The following PRKCZ variants were observed in gnomAD, a reference collection of about 807,000 sequenced individuals.
PRKCZ encodes protein kinase C zeta type.
PRKCZ carries 33 observed loss-of-function variants against 79.5 expected under a neutral mutation model. The ratio of observed to expected loss-of-function variants is 0.41; its 90% CI spans 0.31 to 0.55. The LOEUF is 0.55. Ranked by LOEUF, PRKCZ falls within the 20% of genes least tolerant of loss-of-function variation. PRKCZ has a pLI of 0.19. For synonymous variants in PRKCZ, 342 were observed against 320.9 expected (o/e 1.07, Z -0.70); for missense variants, 578 against 813.5 (o/e 0.71, Z 3.52).
chr1:2,143,068 G>T (rs545729580), intron 5 of PRKCZ: 1 of 131,458 alleles, frequency 7.6e-6, no homozygotes, highest in Admixed American at 9.0e-5. Context: ...TCACTCTGTC[G>T]CCCAGGCTGG....
At position 2,185,014 on chromosome 1, in the gene PRKCZ, G is replaced by A. The variant is rs367620589; in HGVS notation, c.*5G>A. 5.6e-5 allele frequency: 90 copies of A among 1,609,506 alleles called. No individual in the cohort carries two copies. The highest frequency in any genetic ancestry group is 5.0e-4 in the Middle Eastern group (3 of 6,054). On this transcript the variant is annotated 3_prime_UTR_variant, in exon 18 of 18. Transcript: ENST00000378567. ...TCCACCGAGGAGTCGGTGTGAGGCC[G>A]CGTGCGTCTCTGTCGTGGACACGCG...
At chr1:2,162,523 G>A (rs1682517466) in intron 10 of PRKCZ, among the ~76,000 whole-genome samples, 1 of 152,214 alleles carries the variant, frequency 6.6e-6, no homozygotes, top group Non-Finnish European at 1.5e-5. Flanking sequence ...TCCCATTCAG[G>A]AACCCGGTTT....
intron 4 of PRKCZ, among the ~76,000 whole-genome samples, chr1:2,126,230 T>C (rs1170444324): frequency 2.0e-5 from 3 of 152,154 alleles, no homozygotes; most frequent in Admixed American, 6.5e-5. Flanking sequence ...TGAACAAAGC[T>C]CTGTTTTATA....
At chr1:2,114,068 G>A (rs550678926) in intron 4 of PRKCZ, among the ~76,000 whole-genome samples, 63 of 152,242 alleles carry the variant, frequency 4.1e-4, no homozygotes, top group Middle Eastern at 3.4e-3. Context: ...GGGTATGGCC[G>A]GCTGCGTAAG....
At chr1:2,058,200 G>A (rs547220688) in intron 3 of PRKCZ, among the ~76,000 whole-genome samples, 2 of 150,608 alleles carry the variant, frequency 1.3e-5, no homozygotes, top group East Asian at 2.0e-4. Context: ...ATGGGGTCTC[G>A]CCATGTTGGC....
At chr1:2,184,477 T>A in intron 16 of PRKCZ, 106 bp from the exon 17 acceptor site, 2 of 779,224 alleles carry the variant, frequency 2.6e-6, no homozygotes, top group Middle Eastern at 4.8e-4. Flanking sequence ...ATTGAAATGC[T>A]GACTTTCTCA....
chr1:2,139,332 G>A (rs1676851710), intron 5 of PRKCZ, among the ~76,000 whole-genome samples: 1 of 152,168 alleles, frequency 6.6e-6, no homozygotes, highest in Non-Finnish European at 1.5e-5. Context: ...GCTCACGCCT[G>A]TAATTCCAGC....
At chr1:2,135,797 C>T (rs1305371056) in intron 5 of PRKCZ, among the ~76,000 whole-genome samples, 1 of 152,236 alleles carries the variant, frequency 6.6e-6, no homozygotes, top group African/African-American at 2.4e-5. Flanking sequence ...CTCTGTCTTC[C>T]CAGCGGCCAC....
chr1:2,135,405 A>G, intron 5 of PRKCZ, 58 bp downstream of exon 5: 1 of 1,464,862 alleles, frequency 6.8e-7, no homozygotes, highest in Non-Finnish European at 9.3e-7. Flanking sequence ...TTTAAAAGCA[A>G]AGAGAGAGGA....
chr1:2,121,647 G>T (rs1170865946), intron 4 of PRKCZ, among the ~76,000 whole-genome samples: 2 of 99,414 alleles, frequency 2.0e-5, no homozygotes, highest in Non-Finnish European at 4.1e-5. Context: ...GGTAGTTAGG[G>T]TCACGGTGGT....
At chr1:2,080,370 C>A (rs1440556525) in intron 4 of PRKCZ, among the ~76,000 whole-genome samples, 2 of 120,606 alleles carry the variant, frequency 1.7e-5, no homozygotes, top group Non-Finnish European at 3.0e-5. Flanking sequence ...CAGGTGTGGA[C>A]CAGCACGTCC....
rs78044409 is a variant in PRKCZ at position 2,076,144 on chromosome 1, C to T, written c.334+16553C>T. 3.2e-3 allele frequency among the ~76,000 whole-genome samples: 485 copies of T among 152,284 alleles called. 23 individuals are homozygous for T. In the East Asian group the frequency reaches 0.077, roughly 24 times the overall value. On this transcript the variant is annotated intron_variant, in intron 4 of 17. Transcript: ENST00000378567. ...GGGCTGAGGGGGTGCCCAGTGCCAT[C>T]GAGGGGAAGCCTGTGGGAAAGTGTG...
At chr1:2,146,163 C>T (rs1678469722) in intron 7 of PRKCZ, 55 bp downstream of exon 7, 3 of 1,512,450 alleles carry the variant, frequency 2.0e-6, no homozygotes, top group Non-Finnish European at 2.8e-6. Flanking sequence ...TCACCCTGCT[C>T]ACCTCTGCCT....
upstream of PRKCZ, among the ~76,000 whole-genome samples, chr1:2,048,784 G>A (rs543436976): frequency 3.3e-5 from 5 of 152,156 alleles, no homozygotes; most frequent in African/African-American, 9.7e-5. Context: ...CCAGGAGGGC[G>A]AGGGATGGGA....
intron 4 of PRKCZ, among the ~76,000 whole-genome samples, chr1:2,081,358 T>C (rs1231611653): frequency 7.5e-6 from 1 of 133,194 alleles, no homozygotes; most frequent in African/African-American, 2.8e-5. Context: ...CTGGGTGGGT[T>C]GGGGGTGGGT....
At chr1:2,175,375 C>T (rs569455679) in intron 16 of PRKCZ, 62 bp downstream of exon 16, 1 of 1,396,958 alleles carries the variant, frequency 7.2e-7, no homozygotes, top group African/African-American at 1.5e-5. Context: ...TCTACCCAAC[C>T]CCCATCCCAA....
chr1:2,080,890 C>G (rs1303075918), intron 4 of PRKCZ, among the ~76,000 whole-genome samples: 1 of 152,182 alleles, frequency 6.6e-6, no homozygotes, highest in Non-Finnish European at 1.5e-5. Context: ...TGGGACAGCC[C>G]TTCGCTGGGG....
intron 5 of PRKCZ, among the ~76,000 whole-genome samples, chr1:2,135,895 C>T (rs1676100860): frequency 6.6e-6 from 1 of 152,146 alleles, no homozygotes; most frequent in Admixed American, 6.5e-5. Context: ...ATGGGTGATT[C>T]AGATGCTTTT....
At position 2,173,778 on chromosome 1, in the gene PRKCZ, G is replaced by T; in HGVS notation, c.1286-119G>T. On this transcript the variant is annotated intron_variant, in intron 13 of 17. Transcript: ENST00000378567. This position sits in a 1 kb window ranked among gnomAD's most constrained non-coding sequence, Gnocchi z 5.7. ...TGGAAGTCACAGAGGCCTGTGTGCC[G>T]CCTGCTCAAGCCTGGCTCACACTCG... 7.1e-7 allele frequency: 1 copy of T among 1,405,384 alleles called. No homozygotes were observed. Among genetic ancestry groups the T allele is most frequent in the East Asian group, 2.6e-5 (1 of 38,372 alleles). The allele number at this position is 1,405,384 out of a possible 1,614,324, so 87.1% of individuals were successfully genotyped here.
Sources: allele counts gnomAD v4.1 joint callset (sites outside exome capture counted in the v4.1 genomes callset), GRCh38; gene constraint gnomAD v4.1.1; non-coding constraint Gnocchi (gnomAD v3.1); transcripts MANE v1.5; gene names NCBI Gene and HGNC (gene_info 2026-07-23, HGNC 2026-07-21).